ZNF385B: variants seen among roughly 807,000 people sequenced by gnomAD.
ZNF385B encodes zinc finger protein 385B, also known as zinc finger protein 533.
A neutral mutation model predicts 39.2 loss-of-function variants in ZNF385B; 23 were observed. The observed-to-expected ratio is 0.59, with a 90% confidence interval of 0.42 to 0.83. ZNF385B has a LOEUF of 0.83. Among genes scored for constraint, ZNF385B ranks in the 40% least tolerant of loss-of-function variants. The pLI is 0.00. For synonymous variants in ZNF385B, 205 were observed against 222.6 expected (o/e 0.92, Z 0.70); for missense variants, 552 against 598.9 (o/e 0.92, Z 0.82).
intron 1 of ZNF385B, among the ~76,000 whole-genome samples, chr2:179,779,897 A>AT (rs150330127): frequency 1.3e-5 from 2 of 152,242 alleles, no homozygotes; most frequent in South Asian, 4.1e-4. Context: ...ATGTTTATAT[A>AT]TTTTTTTATT....
At chr2:179,555,442 G>A (rs1440389494) in intron 3 of ZNF385B, among the ~76,000 whole-genome samples, 1 of 149,264 alleles carries the variant, frequency 6.7e-6, no homozygotes, top group African/African-American at 2.5e-5. Context: ...CTATATTTGT[G>A]TACATTCATT....
chr2:179,594,485 T>C (rs1687829725), intron 3 of ZNF385B, among the ~76,000 whole-genome samples: 1 of 152,222 alleles, frequency 6.6e-6, no homozygotes, highest in African/African-American at 2.4e-5. Context: ...TCTACTCTTC[T>C]TTGTGACTAC....
chr2:179,443,515 A>G (rs2049165499), intron 9 of ZNF385B, 47 bp from the exon 10 acceptor site: 1 of 1,415,464 alleles, frequency 7.1e-7, no homozygotes. Flanking sequence ...CCTGTTTTTG[A>G]ATAACAGCAC....
intron 5 of ZNF385B, among the ~76,000 whole-genome samples, chr2:179,495,614 G>A (rs1404106097): frequency 3.3e-5 from 5 of 152,170 alleles, no homozygotes; most frequent in Non-Finnish European, 5.9e-5. Flanking sequence ...GTGGCCACAC[G>A]GGTGCTTGTC....
chr2:179,528,695 GTTC>G (rs2059076457), intron 4 of ZNF385B, among the ~76,000 whole-genome samples: 3 of 152,112 alleles, frequency 2.0e-5, no homozygotes, highest in South Asian at 2.1e-4. Flanking sequence ...AAATTCTTAA[GTTC>G]TTCTTCAGAC....
intron 3 of ZNF385B, among the ~76,000 whole-genome samples, chr2:179,564,043 C>A (rs1684258783): frequency 6.6e-6 from 1 of 152,078 alleles, no homozygotes; most frequent in Admixed American, 6.6e-5. Context: ...TAGTTTAGTT[C>A]AGTAGTACAC....
chr2:179,465,559 A>T (rs2051903622), intron 6 of ZNF385B, among the ~76,000 whole-genome samples: 1 of 152,232 alleles, frequency 6.6e-6, no homozygotes, highest in Non-Finnish European at 1.5e-5. Context: ...TAGAACTGTC[A>T]GCAATGATTC....
Position 179,571,949 on chromosome 2 carries a change from G to A in ZNF385B, c.299-26980C>T, listed in dbSNP as rs77180796. Among the ~76,000 whole-genome samples, 54 of 152,150 alleles carry A rather than the reference G, an allele frequency of 3.5e-4. No homozygotes were observed. The East Asian group carries it at 8.7e-3, about 25-fold the overall frequency. ...GTAAGTTGATGCCCTAATGGCCCTC[G>A]GACTACTTCCAAGTCCTGTGTAGGT... is the stretch of plus-strand genomic sequence containing the variant. On this transcript the variant is annotated intron_variant, in intron 3 of 9. Transcript: ENST00000410066.
chr2:179,548,780 TG>T (rs899489659), intron 3 of ZNF385B, among the ~76,000 whole-genome samples: 13 of 149,176 alleles, frequency 8.7e-5, no homozygotes, highest in Admixed American at 3.3e-4. Flanking sequence ...GGGAAAAACC[TG>T]CCCCCATGAT....
intron 3 of ZNF385B, among the ~76,000 whole-genome samples, chr2:179,732,711 C>T (rs1299566259): frequency 1.3e-5 from 2 of 152,120 alleles, no homozygotes; most frequent in Non-Finnish European, 2.9e-5. Context: ...ATAAAATGTC[C>T]ATCATCTCAT....
At chr2:179,735,653 C>T (rs1033640340) in intron 3 of ZNF385B, among the ~76,000 whole-genome samples, 2 of 149,370 alleles carry the variant, frequency 1.3e-5, no homozygotes, top group Non-Finnish European at 3.0e-5. Flanking sequence ...CAATGATAGA[C>T]TGGATTAAGA....
intron 3 of ZNF385B, among the ~76,000 whole-genome samples, chr2:179,730,584 A>C (rs1197441262): frequency 6.6e-6 from 1 of 152,208 alleles, no homozygotes; most frequent in East Asian, 1.9e-4. Context: ...TGTATGAGAA[A>C]ATGCTTCAAA....
chr2:179,828,076 T>G (rs1345857066), intron 1 of ZNF385B, among the ~76,000 whole-genome samples: 3 of 152,234 alleles, frequency 2.0e-5, no homozygotes, highest in Non-Finnish European at 2.9e-5. Context: ...TATGAATATT[T>G]TATAAATATA....
At chr2:179,460,120 A>AAAAGG (rs1413152175) in intron 6 of ZNF385B, among the ~76,000 whole-genome samples, 1 of 152,032 alleles carries the variant, frequency 6.6e-6, no homozygotes. Context: ...AAAAGAAAAG[A>AAAAGG]AAAGAAAAAA....
At chr2:179,810,488 C>CA (rs1198664098) in intron 1 of ZNF385B, among the ~76,000 whole-genome samples, 1 of 151,728 alleles carries the variant, frequency 6.6e-6, no homozygotes, top group Admixed American at 6.6e-5. Flanking sequence ...CAAAAAATCA[C>CA]AAAAATTATT....
chr2:179,805,038 T>C (rs894595291), intron 1 of ZNF385B, among the ~76,000 whole-genome samples: 24 of 152,218 alleles, frequency 1.6e-4, no homozygotes, highest in African/African-American at 2.4e-5. Flanking sequence ...ATGTTGAATC[T>C]GGCCTTGGGA....
intron 3 of ZNF385B, among the ~76,000 whole-genome samples, chr2:179,693,149 T>C (rs1698476948): frequency 6.6e-6 from 1 of 152,256 alleles, no homozygotes; most frequent in Non-Finnish European, 1.5e-5. Flanking sequence ...GTGTTTAATT[T>C]GGTCCATATT....
intron 6 of ZNF385B, among the ~76,000 whole-genome samples, chr2:179,479,579 C>A (rs2053779144): frequency 1.3e-5 from 2 of 152,268 alleles, no homozygotes; most frequent in East Asian, 1.9e-4. Flanking sequence ...GTAGCACATA[C>A]CTGTAATCCC....
At chr2:179,482,238 G>A (rs1271289437) in intron 6 of ZNF385B, among the ~76,000 whole-genome samples, 2 of 152,162 alleles carry the variant, frequency 1.3e-5, no homozygotes, top group Non-Finnish European at 2.9e-5. Flanking sequence ...CAAAAGCCAC[G>A]GGAAAGCAGT....
Sources: allele counts gnomAD v4.1 joint callset (sites outside exome capture counted in the v4.1 genomes callset), GRCh38; gene constraint gnomAD v4.1.1; transcripts MANE v1.5; gene names NCBI Gene and HGNC (gene_info 2026-07-23, HGNC 2026-07-21).